TSHZ2: variants seen among roughly 807,000 people sequenced by gnomAD.
The protein encoded by TSHZ2 is teashirt homolog 2.
In TSHZ2, 21 loss-of-function variants were observed where a neutral mutation model predicts 74.4. That is an observed-to-expected ratio of 0.28 (90% CI 0.20 to 0.41). The LOEUF (loss-of-function observed/expected upper bound fraction) is 0.41. Ranked by LOEUF, TSHZ2 falls within the 10% of genes least tolerant of loss-of-function variation. The pLI is 1.00. For missense variants in TSHZ2, 1,244 were observed against 1,293.5 expected (o/e 0.96, Z 0.59); for synonymous variants, 540 against 515.3 (o/e 1.05, Z -0.65).
intron 2 of TSHZ2, among the ~76,000 whole-genome samples, chr20:53,331,184 T>G (rs1979708363): frequency 6.6e-6 from 1 of 152,192 alleles, no homozygotes; most frequent in African/African-American, 2.4e-5. Context: ...TGGTAGGGCA[T>G]AGTGATAAAG....
chr20:53,316,495 G>T (rs1041495931), intron 2 of TSHZ2, among the ~76,000 whole-genome samples: 5 of 151,632 alleles, frequency 3.3e-5, no homozygotes, highest in African/African-American at 1.2e-4. Context: ...GAGGTTAAAT[G>T]AATATCTTTA....
intron 2 of TSHZ2, among the ~76,000 whole-genome samples, chr20:53,443,484 G>T (rs1207517923): frequency 6.6e-6 from 1 of 152,208 alleles, no homozygotes; most frequent in Non-Finnish European, 1.5e-5. Context: ...GGAAGAAAGA[G>T]ATGTCCATGC....
chr20:53,388,997 A>G (rs1982154775), intron 2 of TSHZ2, among the ~76,000 whole-genome samples: 1 of 152,234 alleles, frequency 6.6e-6, no homozygotes, highest in Non-Finnish European at 1.5e-5. Context: ...ATTCTCTTCC[A>G]GTGGATGATT....
At chr20:53,040,738 AC>A (rs1174887443) in intron 1 of TSHZ2, among the ~76,000 whole-genome samples, 1 of 152,036 alleles carries the variant, frequency 6.6e-6, no homozygotes, top group Non-Finnish European at 1.5e-5. Context: ...CTTAGTGTCC[AC>A]CCTTGGACCC....
At chr20:53,391,198 G>A (rs1266159125) in intron 2 of TSHZ2, among the ~76,000 whole-genome samples, 1 of 152,168 alleles carries the variant, frequency 6.6e-6, no homozygotes, top group African/African-American at 2.4e-5. Context: ...CCAGGCTGGA[G>A]TGCAGTGGCA....
At chr20:53,033,719 G>A (rs1568728805) in intron 1 of TSHZ2, among the ~76,000 whole-genome samples, 1 of 135,924 alleles carries the variant, frequency 7.4e-6, no homozygotes, top group Non-Finnish European at 1.5e-5. Flanking sequence ...GAGTGCAGTG[G>A]TGTGATCTCG....
At chr20:53,257,195 C>A (rs1466659332) in intron 2 of TSHZ2, among the ~76,000 whole-genome samples, 6 of 152,138 alleles carry the variant, frequency 3.9e-5, no homozygotes, top group African/African-American at 1.4e-4. Context: ...GAGCATGTGC[C>A]CTTAACAGGT....
chr20:53,414,336 C>A (rs895746883), intron 2 of TSHZ2, among the ~76,000 whole-genome samples: 1 of 151,922 alleles, frequency 6.6e-6, no homozygotes, highest in Non-Finnish European at 1.5e-5. Context: ...TAAGCCAGTA[C>A]TGGCTCAACA....
chr20:53,386,200 A>G (rs1982039186), intron 2 of TSHZ2, among the ~76,000 whole-genome samples: 1 of 152,196 alleles, frequency 6.6e-6, no homozygotes, highest in Non-Finnish European at 1.5e-5. Context: ...TTTTAGGCCT[A>G]CTGTTTAGAA....
intron 2 of TSHZ2, among the ~76,000 whole-genome samples, chr20:53,441,265 ATTTTAT>A (rs1568918623): frequency 5.4e-4 from 69 of 128,122 alleles, no homozygotes; most frequent in African/African-American, 1.9e-3. Context: ...ATTTTATTTT[ATTTTAT>A]TTTATTTATT....
chr20:53,119,596 G>C (rs986048732), intron 1 of TSHZ2, among the ~76,000 whole-genome samples: 1 of 152,138 alleles, frequency 6.6e-6, no homozygotes, highest in Admixed American at 6.5e-5. Flanking sequence ...AATACACATA[G>C]ACTATCAAGA....
chr20:53,445,743 GCT>G (rs1205518484), intron 2 of TSHZ2, among the ~76,000 whole-genome samples: 1 of 152,182 alleles, frequency 6.6e-6, no homozygotes, highest in Non-Finnish European at 1.5e-5. Flanking sequence ...AATCAGCTCA[GCT>G]CTCTGCCAAA....
intron 2 of TSHZ2, among the ~76,000 whole-genome samples, chr20:53,303,661 A>T (rs1263416471): frequency 1.3e-5 from 2 of 152,222 alleles, no homozygotes; most frequent in African/African-American, 4.8e-5. Flanking sequence ...GGGGTTGTGG[A>T]TAAGAACTTA....
chr20:53,123,923 G>T (rs749590557), intron 1 of TSHZ2, among the ~76,000 whole-genome samples: 1 of 152,140 alleles, frequency 6.6e-6, no homozygotes, highest in Non-Finnish European at 1.5e-5. Context: ...ACAATTCTCC[G>T]TGTTAATGCA....
chr20:53,374,728 G>A (rs758303545), intron 2 of TSHZ2, among the ~76,000 whole-genome samples: 11 of 151,946 alleles, frequency 7.2e-5, no homozygotes, highest in Non-Finnish European at 1.0e-4. Flanking sequence ...TTTGATTTGC[G>A]TTTCCCTAAT....
rs1568736198 is a variant in TSHZ2, at chr20:53,050,111, A to ATATATATACACATACATATATATATGTG, written c.40+76786_40+76787insCACATACATATATATATGTGTATATATA. ...AAAAAATGTATATGTGTGTATATAT[A>ATATATATACACATACATATATATATGTG]TATATATATATATACACATATATAT... On this transcript the variant is annotated intron_variant, in intron 1 of 2. Coordinates refer to ENST00000371497, the MANE Select transcript of TSHZ2 (RefSeq NM_173485.6). Among the ~76,000 whole-genome samples, 5 of 97,594 alleles carry ATATATATACACATACATATATATATGTG rather than the reference A, an allele frequency of 5.1e-5. 1 individual carries two copies. The highest frequency in any genetic ancestry group is 3.3e-4 in the South Asian group (1 of 3,076). 64.0% of individuals were successfully genotyped at this position (97,594 alleles called of 152,430 possible). A position where few individuals can be genotyped will look rare whatever the true frequency, so the allele number is the denominator to read the frequency against.
intron 1 of TSHZ2, among the ~76,000 whole-genome samples, chr20:53,024,284 T>C (rs1983356126): frequency 6.6e-6 from 1 of 151,976 alleles, no homozygotes; most frequent in Non-Finnish European, 1.5e-5. Flanking sequence ...AACCAAATCA[T>C]ATGTTCTGCT....
chr20:53,125,285 GC>G (rs1415787237), intron 1 of TSHZ2, among the ~76,000 whole-genome samples: 1 of 152,176 alleles, frequency 6.6e-6, no homozygotes, highest in African/African-American at 2.4e-5. Flanking sequence ...GAAGTCAACA[GC>G]AAGTCCTCCC....
intron 2 of TSHZ2, among the ~76,000 whole-genome samples, chr20:53,478,082 A>G (rs1986035681): frequency 6.9e-6 from 1 of 144,012 alleles, no homozygotes; most frequent in Admixed American, 6.9e-5. Context: ...AACTAGTTCA[A>G]CCATTGTGGA....
Sources: gnomAD v4.1 joint callset for allele counts (sites outside exome capture counted in the v4.1 genomes callset) on GRCh38, gnomAD v4.1.1 for gene constraint, MANE v1.5 for transcripts, NCBI Gene and HGNC (gene_info 2026-07-23, HGNC 2026-07-21) for gene names.